The following RFTN1 variants were observed in gnomAD, a reference collection of about 807,000 sequenced individuals.
RFTN1 encodes raftlin.
RFTN1 carries 26 observed loss-of-function variants against 46.5 expected under a neutral mutation model. The observed-to-expected ratio is 0.56, with a 90% CI of 0.41 to 0.78. RFTN1 has a LOEUF of 0.78. RFTN1 is among the 30% of genes least tolerant of loss of function. RFTN1 has a pLI of 0.00. For missense variants in RFTN1, 693 were observed against 718.7 expected, an observed-to-expected ratio of 0.96 and a Z score of 0.41; for synonymous variants, 261 against 284.2, an observed-to-expected ratio of 0.92 and a Z score of 0.82.
At position 16,336,209 on chromosome 3, in the gene RFTN1, A is replaced by G. The variant is rs911195760; in HGVS notation, c.1147-9333T>C. Among the ~76,000 whole-genome samples the G allele has an allele frequency of 3.9e-5, 6 of 152,248 alleles. No homozygotes were observed. The highest frequency in any genetic ancestry group is 7.2e-5 in the African/African-American group (3 of 41,454). ...AACTCCACGTGGCCCTCAGGATGCT[A>G]AAGGGCAGGGCTATGCCTGGTATCA... On this transcript the variant is annotated intron_variant, in intron 7 of 9. Transcript: ENST00000334133. The surrounding 1 kb of genome is among the most constrained non-coding windows in gnomAD (Gnocchi z 6.0).
Position 16,433,289 on chromosome 3 carries a change from C to T in RFTN1, c.332+562G>A, listed in dbSNP as rs530845404. 1.3e-5 allele frequency among the ~76,000 whole-genome samples: 2 copies of T among 152,138 alleles called. 1 individual carries two copies. Among genetic ancestry groups the T allele is most frequent in the South Asian group, 4.2e-4 (2 of 4,816 alleles). ...TAAGCATTCAACTGGGCAAGCCAAA[C>T]TGAAAAACATCCCCAAGCCCTGAAA... On this transcript the variant is annotated intron_variant, in intron 3 of 9. Coordinates refer to ENST00000334133, the MANE Select transcript of RFTN1 (RefSeq NM_015150.2). The surrounding 1 kb of genome is among the most constrained non-coding windows in gnomAD (Gnocchi z 4.4).
intron 7 of RFTN1, among the ~76,000 whole-genome samples, chr3:16,332,791 C>A (rs996634294): frequency 6.9e-5 from 6 of 87,476 alleles, no homozygotes; most frequent in African/African-American, 2.8e-4. Flanking sequence ...CACTCATCTT[C>A]TACTTTATCT....
intron 2 of RFTN1, among the ~76,000 whole-genome samples, chr3:16,462,331 A>C (rs1032667035): frequency 4.6e-5 from 7 of 152,246 alleles, no homozygotes; most frequent in Admixed American, 3.3e-4. Flanking sequence ...ACCACCTTTA[A>C]TAGGTTCCCC....
chr3:16,386,551 T>C (rs1429373121), intron 4 of RFTN1, among the ~76,000 whole-genome samples: 2 of 152,264 alleles, frequency 1.3e-5, no homozygotes, highest in African/African-American at 4.8e-5. Context: ...CCTGTTACGC[T>C]GCTCAGCGCT....
chr3:16,324,354 C>T (rs759825843), intron 8 of RFTN1, among the ~76,000 whole-genome samples: 35 of 152,208 alleles, frequency 2.3e-4, no homozygotes, highest in Non-Finnish European at 3.2e-4. Context: ...ATAATAGTCA[C>T]CATTCTGTGC....
In RFTN1 at chr3:16,409,771, A is replaced by G. The variant is rs1302807910; in HGVS notation, c.333-288T>C. On this transcript the variant is annotated intron_variant, in intron 3 of 9. Coordinates refer to ENST00000334133, the MANE Select transcript of RFTN1 (RefSeq NM_015150.2). ...GTGATCTCGGCTCACTGCAAGCTCC[A>G]CCTTCCAGGTTCACGCCATTCTCCT... 8.4e-5 allele frequency among the ~76,000 whole-genome samples: 12 copies of G among 143,552 alleles called. No individual in the cohort carries two copies. The South Asian group carries it at 2.6e-3, about 31-fold the overall frequency. 94.2% of individuals were successfully genotyped at this position (143,552 alleles called of 152,430 possible).
rs1306414658 is a variant in RFTN1, at chr3:16,504,062, C to T, written c.-9+9380G>A. Among the ~76,000 whole-genome samples the T allele has an allele frequency of 6.6e-6, 1 of 152,114 alleles. No homozygotes were observed. Among genetic ancestry groups the T allele is most frequent in the Non-Finnish European group, 1.5e-5 (1 of 68,026 alleles). The stretch of plus-strand genomic sequence containing the variant: ...CCCAGAACAACATATGGCAGAGATT[C>T]TGAGGATTTCTCCGTTCACAGTGCC... On this transcript the variant is annotated intron_variant, in intron 1 of 9. Coordinates refer to ENST00000334133, the MANE Select transcript of RFTN1 (RefSeq NM_015150.2). This position sits in a 1 kb window ranked among gnomAD's most constrained non-coding sequence, Gnocchi z 4.4.
chr3:16,445,072 T>C (rs1460222387), intron 2 of RFTN1, among the ~76,000 whole-genome samples: 8 of 152,342 alleles, frequency 5.3e-5, no homozygotes, highest in African/African-American at 1.9e-4. Flanking sequence ...CACTGTTTCA[T>C]ATACAGTTGC....
rs1026448375 is a variant in RFTN1 at position 16,344,302 on chromosome 3, A to G, written c.1146+13630T>C. ...AGTCAGGGAAACCTACTCAAAAAAG[A>G]AAGTGGATTAGATCAGTAATTTTCA... is the stretch of plus-strand genomic sequence containing the variant. On this transcript the variant is annotated intron_variant, in intron 7 of 9. Transcript: ENST00000334133. The surrounding 1 kb of genome is among the most constrained non-coding windows in gnomAD (Gnocchi z 4.4). 6.6e-6 allele frequency among the ~76,000 whole-genome samples: 1 copy of G among 151,890 alleles called. No individual in the cohort carries two copies. Among genetic ancestry groups the G allele is most frequent in the Non-Finnish European group, 1.5e-5 (1 of 67,988 alleles).
intron 4 of RFTN1, among the ~76,000 whole-genome samples, chr3:16,408,039 T>C (rs1037465119): frequency 6.6e-6 from 1 of 152,162 alleles, no homozygotes; most frequent in African/African-American, 2.4e-5. Flanking sequence ...TTTACTGTTA[T>C]ACAAAATTCC....
chr3:16,482,619 C>T (rs1280287376), intron 2 of RFTN1: 1 of 851,470 alleles, frequency 1.2e-6, no homozygotes, highest in South Asian at 1.4e-5. Context: ...ATTAGGTAAC[C>T]TCACTGAGCC....
chr3:16,378,096 C>T lies in RFTN1; in HGVS notation c.448G>A (p.Glu150Lys), dbSNP rs1263290343. The T allele has an allele frequency of 1.2e-6, 2 of 1,607,862 alleles. No homozygotes were observed. The highest frequency in any genetic ancestry group is 1.1e-5 in the South Asian group (1 of 90,998). ...LIPEFIKKIQ[E>K]AASQGLKFVG... ...AATTTCAGGCCCTGGCTTGCAGCCT[C>T]CTGGATCTGTGAGGCAAACAAAAGG... is the stretch of plus-strand genomic sequence containing the variant. The change falls in exon 5 of 10, where the codon GAG becomes AAG. Residue 150 changes from glutamate (E) to lysine (K), a missense_variant. Coordinates refer to ENST00000334133, the MANE Select transcript of RFTN1 (RefSeq NM_015150.2).
At chr3:16,469,715 C>T (rs2076161461) in intron 2 of RFTN1, among the ~76,000 whole-genome samples, 1 of 152,224 alleles carries the variant, frequency 6.6e-6, no homozygotes, top group Non-Finnish European at 1.5e-5. Flanking sequence ...CGGCCTTGGG[C>T]CCAGAGGATG....
chr3:16,453,361 C>T (rs1271362061), intron 2 of RFTN1, among the ~76,000 whole-genome samples: 1 of 152,204 alleles, frequency 6.6e-6, no homozygotes, highest in Non-Finnish European at 1.5e-5. Context: ...AGAAGACACC[C>T]TCAGATCCCA....
chr3:16,414,283 G>A (rs369262990), intron 3 of RFTN1, among the ~76,000 whole-genome samples: 7 of 149,770 alleles, frequency 4.7e-5, no homozygotes, highest in African/African-American at 1.7e-4. Flanking sequence ...ATGCCCAATG[G>A]TGGGAAGTCT....
rs1248515837 is a variant in RFTN1 at position 16,442,043 on chromosome 3, AT to A, written c.146-8007del. Among the ~76,000 whole-genome samples the A allele has an allele frequency of 2.0e-5, 3 of 152,210 alleles. No individual in the cohort carries two copies. The highest frequency in any genetic ancestry group is 2.9e-5 in the Non-Finnish European group (2 of 68,038). On this transcript the variant is annotated intron_variant, in intron 2 of 9. Transcript: ENST00000334133. The surrounding 1 kb of genome is among the most constrained non-coding windows in gnomAD (Gnocchi z 4.1). Reference sequence around the variant, plus strand: ...TATGTGCCATTTCTAAATCTGTGGAATAAGTTAAAATGTTTGTTCTAAGGGC... The same window carrying A: ...TATGTGCCATTTCTAAATCTGTGGAAAAGTTAAAATGTTTGTTCTAAGGGC...
chr3:16,441,299 T>TAAAAAAAAAAAAAAAAAAAAAAA (rs59877269), intron 2 of RFTN1, among the ~76,000 whole-genome samples: 2 of 47,552 alleles, frequency 4.2e-5, no homozygotes, highest in African/African-American at 1.3e-4. Flanking sequence ...TTCCAAGAAC[T>TAAAAAAAAAAAAAAAAAAAAAAA]AAAAAAAAAA....
At chr3:16,357,892 G>A in intron 7 of RFTN1, 40 bp downstream of exon 7, 1 of 1,276,412 alleles carries the variant, frequency 7.8e-7, no homozygotes, top group Non-Finnish European at 1.1e-6. Flanking sequence ...AACAAGTGCT[G>A]TCTAAACAAA....
rs994362840 is a variant in RFTN1 at position 16,336,025 on chromosome 3, G to A, written c.1147-9149C>T. On this transcript the variant is annotated intron_variant, in intron 7 of 9. Coordinates refer to ENST00000334133, the MANE Select transcript of RFTN1 (RefSeq NM_015150.2). The surrounding 1 kb of genome is among the most constrained non-coding windows in gnomAD (Gnocchi z 6.0). ...GCACACGCTGGCTATAGCGGCACTC[G>A]AGGAGGGTAGAGGTCCTGTTCTCCT... 2.0e-5 allele frequency among the ~76,000 whole-genome samples: 3 copies of A among 152,218 alleles called. No homozygotes were observed. The highest frequency in any genetic ancestry group is 7.2e-5 in the African/African-American group (3 of 41,452).
Sources: gnomAD v4.1 joint callset for allele counts (sites outside exome capture counted in the v4.1 genomes callset) on GRCh38, gnomAD v4.1.1 for gene constraint, Gnocchi (gnomAD v3.1) non-coding constraint, MANE v1.5 for transcripts, NCBI Gene and HGNC (gene_info 2026-07-23, HGNC 2026-07-21) for gene names.